The following TTC23L variants were observed in gnomAD, a reference collection of about 807,000 sequenced individuals.
TTC23L encodes the protein tetratricopeptide repeat domain 23 like.
TTC23L carries 42 observed loss-of-function variants against 48.1 expected under a neutral mutation model. That is an observed-to-expected ratio of 0.87 (90% confidence interval 0.68 to 1.13). TTC23L has a LOEUF of 1.13. Ranked by LOEUF, TTC23L falls within the 50% of genes most tolerant of loss-of-function variation. The probability of loss-of-function intolerance (pLI) is 0.00; values close to 1 mark genes in which losing one functional copy is unlikely to be tolerated. For synonymous variants in TTC23L, 159 were observed against 157.2 expected, an observed-to-expected ratio of 1.01 and a Z score of -0.09; for missense variants, 391 against 421.0, an observed-to-expected ratio of 0.93 and a Z score of 0.62.
exon 9 of TTC23L, chr5:34,880,307 A>C (rs377009873): frequency 6.2e-7 from 1 of 1,607,146 alleles, no homozygotes; most frequent in Admixed American, 1.7e-5. Context: ...GGAGAAAAAC[A>C]GGTAAATATG....
intron 9 of TTC23L, among the ~76,000 whole-genome samples, chr5:34,884,523 T>TAC (rs572660867): frequency 3.0e-3 from 449 of 148,728 alleles, no homozygotes; most frequent in African/African-American, 5.2e-3. Context: ...AATGATCACA[T>TAC]ACACACACAC....
At chr5:34,925,527 C>A in the TTC23L span, 1 of 1,574,366 alleles carries the variant, frequency 6.4e-7, no homozygotes, top group Non-Finnish European at 8.6e-7. Flanking sequence ...TTTTCAGTTA[C>A]TTTATATTTA....
At chr5:34,862,619 G>A (rs1300920949) in intron 4 of TTC23L, among the ~76,000 whole-genome samples, 1 of 152,044 alleles carries the variant, frequency 6.6e-6, no homozygotes, top group African/African-American at 2.4e-5. Flanking sequence ...ATGTTGAGAG[G>A]GCTGAATAAG....
chr5:34,878,279 T>C (rs550956488), intron 8 of TTC23L, among the ~76,000 whole-genome samples: 13 of 152,204 alleles, frequency 8.5e-5, no homozygotes, highest in African/African-American at 3.1e-4. Flanking sequence ...GTTAGGAGAA[T>C]TGCTTGAGAT....
Sources: allele counts gnomAD v4.1 joint callset (sites outside exome capture counted in the v4.1 genomes callset), GRCh38; gene constraint gnomAD v4.1.1; transcripts MANE v1.5; gene names NCBI Gene and HGNC (gene_info 2026-07-23, HGNC 2026-07-21).